Variants in TOP6BL observed in about 807,000 individuals in gnomAD.
TOP6BL encodes type 2 DNA topoisomerase 6 subunit B-like.
chr11:66,823,790 C>G, the TOP6BL span, among the ~76,000 whole-genome samples: 1,837 of 152,226 alleles, frequency 0.012, 21 homozygotes, highest in East Asian at 0.095. Context: ...GCACTCCAGC[C>G]TGGGTGACAA....
chr11:66,748,269 A>C, the TOP6BL span: 1 of 858,980 alleles, frequency 1.2e-6, no homozygotes, highest in Non-Finnish European at 1.7e-6. Context: ...AAGCAAGAAT[A>C]CAATTTTTGG....
chr11:66,827,051 G>A, the TOP6BL span, among the ~76,000 whole-genome samples: 14 of 143,804 alleles, frequency 9.7e-5, no homozygotes, highest in Admixed American at 2.2e-4. Context: ...GCGCGATCTC[G>A]GCTCACCACA....
chr11:66,811,034 G>A, the TOP6BL span, among the ~76,000 whole-genome samples: 3 of 150,706 alleles, frequency 2.0e-5, no homozygotes, highest in Admixed American at 6.6e-5. Flanking sequence ...GCTCACTGCA[G>A]CCTTGAACTC....
chr11:66,821,554 C>T, the TOP6BL span: 2 of 1,429,318 alleles, frequency 1.4e-6, no homozygotes, highest in African/African-American at 1.4e-5. Flanking sequence ...GGATTACAGG[C>T]CACATCTGGT....
At chr11:66,813,667 A>G in the TOP6BL span, among the ~76,000 whole-genome samples, 59 of 151,378 alleles carry the variant, frequency 3.9e-4, no homozygotes, top group African/African-American at 1.4e-3. Flanking sequence ...TGGGAGGTGG[A>G]GGTTGCAGTG....
chr11:66,798,175 A>G, the TOP6BL span, among the ~76,000 whole-genome samples: 5 of 152,318 alleles, frequency 3.3e-5, 1 homozygote, highest in African/African-American at 1.2e-4. Flanking sequence ...GGAGAGAATA[A>G]TTAGAACAGT....
chr11:66,747,631 T>C, the TOP6BL span, among the ~76,000 whole-genome samples: 1 of 152,148 alleles, frequency 6.6e-6, no homozygotes, highest in African/African-American at 2.4e-5. Context: ...GGTCACATGC[T>C]AGAATTTGGC....
the TOP6BL span, chr11:66,843,457 TGGCGGCGCTG>T: frequency 7.1e-7 from 1 of 1,406,360 alleles, no homozygotes; most frequent in Non-Finnish European, 9.1e-7. Context: ...CAGGGCGCAA[TGGCGGCGCTG>T]GGCGGGGATG....
chr11:66,776,772 A>G, the TOP6BL span, among the ~76,000 whole-genome samples: 2 of 151,570 alleles, frequency 1.3e-5, no homozygotes, highest in Non-Finnish European at 2.9e-5. Context: ...TTTCTAGGCC[A>G]GGCACAGTGG....
the TOP6BL span, among the ~76,000 whole-genome samples, chr11:66,790,281 GAT>G: frequency 2.6e-5 from 4 of 151,608 alleles, no homozygotes; most frequent in South Asian, 8.4e-4. Context: ...AAAAAAAAAA[GAT>G]ATGTTACTTG....
chr11:66,752,757 T>A, the TOP6BL span, among the ~76,000 whole-genome samples: 1 of 152,162 alleles, frequency 6.6e-6, no homozygotes, highest in African/African-American at 2.4e-5. Flanking sequence ...CCGGCCTCTC[T>A]GTAAGCTTTT....
the TOP6BL span, among the ~76,000 whole-genome samples, chr11:66,759,353 A>G: frequency 6.6e-6 from 1 of 152,208 alleles, no homozygotes; most frequent in African/African-American, 2.4e-5. Context: ...AGAATTGACA[A>G]GATACCTAGA....
At chr11:66,822,739 C>A in the TOP6BL span, 1 of 1,153,970 alleles carries the variant, frequency 8.7e-7, no homozygotes, top group Non-Finnish European at 1.3e-6. Context: ...TACGGTGGCT[C>A]ATGCCTATAA....
the TOP6BL span, among the ~76,000 whole-genome samples, chr11:66,754,766 AACTC>A: frequency 6.6e-6 from 1 of 152,164 alleles, no homozygotes; most frequent in East Asian, 1.9e-4. Flanking sequence ...TCTGTTCACT[AACTC>A]CACTTGTTTT....
the TOP6BL span, among the ~76,000 whole-genome samples, chr11:66,750,740 C>A: frequency 6.6e-6 from 1 of 151,478 alleles, no homozygotes; most frequent in African/African-American, 2.4e-5. Flanking sequence ...CACTCTGTCA[C>A]CCAGGCTGGA....
chr11:66,763,908 G>T, the TOP6BL span, among the ~76,000 whole-genome samples: 2 of 152,144 alleles, frequency 1.3e-5, no homozygotes, highest in African/African-American at 2.4e-5. Context: ...GCCCAGCCAA[G>T]ATTTTTATTT....
chr11:66,759,963 C>T, the TOP6BL span, among the ~76,000 whole-genome samples: 42 of 152,218 alleles, frequency 2.8e-4, no homozygotes, highest in African/African-American at 9.6e-4. Flanking sequence ...GCCAAAATGA[C>T]CTTAGAACTC....
chr11:66,756,248 A>G, the TOP6BL span: 2 of 988,962 alleles, frequency 2.0e-6, no homozygotes, highest in Non-Finnish European at 2.4e-6. Flanking sequence ...TTTAAACTAT[A>G]GGTCTGTTCA....
chr11:66,785,529 T>C, the TOP6BL span, among the ~76,000 whole-genome samples: 8 of 152,342 alleles, frequency 5.3e-5, no homozygotes, highest in East Asian at 1.5e-3. Flanking sequence ...CATTTTGTGT[T>C]GACAACTGTC....
Sources: gnomAD v4.1 joint callset for allele counts (sites outside exome capture counted in the v4.1 genomes callset) on GRCh38, gnomAD v4.1.1 for gene constraint, MANE v1.5 for transcripts, NCBI Gene and HGNC (gene_info 2026-07-23, HGNC 2026-07-21) for gene names.